CDH13: variants seen among roughly 807,000 people sequenced by gnomAD.
CDH13 encodes the protein cadherin 13, also known as cadherin-13.
A neutral mutation model predicts 63.8 loss-of-function variants in CDH13; 24 were observed. That is an observed-to-expected ratio of 0.38 (90% CI 0.27 to 0.53). CDH13 has a LOEUF of 0.53. Among genes scored for constraint, CDH13 ranks in the 20% least tolerant of loss-of-function variants. CDH13 has a pLI of 0.85. For missense variants in CDH13, 1,049 were observed against 903.1 expected, an observed-to-expected ratio of 1.16 and a Z score of -2.07; for synonymous variants, 503 against 355.3, an observed-to-expected ratio of 1.42 and a Z score of -4.67.
At chr16:83,683,234 T>C (rs889159043) in intron 10 of CDH13, among the ~76,000 whole-genome samples, 5 of 152,250 alleles carry the variant, frequency 3.3e-5, no homozygotes, top group African/African-American at 7.2e-5. Flanking sequence ...CAAATCAAAA[T>C]GAACAGCAGT....
intron 1 of CDH13, among the ~76,000 whole-genome samples, chr16:82,764,361 C>A (rs1325925698): frequency 2.0e-5 from 3 of 152,120 alleles, no homozygotes; most frequent in African/African-American, 7.2e-5. Context: ...TATTTAAGTT[C>A]TTCTCCTCTA....
At chr16:82,919,999 T>C (rs1012553651) in intron 2 of CDH13, among the ~76,000 whole-genome samples, 1 of 152,204 alleles carries the variant, frequency 6.6e-6, no homozygotes, top group Admixed American at 6.5e-5. Flanking sequence ...GAGATCAAAA[T>C]GTGTGTGGGT....
intron 3 of CDH13, among the ~76,000 whole-genome samples, chr16:83,042,077 G>T (rs1031423999): frequency 6.6e-6 from 1 of 152,134 alleles, no homozygotes; most frequent in Non-Finnish European, 1.5e-5. Flanking sequence ...TCCTCTGTTT[G>T]TTTTGGCCAT....
Position 82,637,428 on chromosome 16 carries a change from CTTTT to C in CDH13, c.45+10308_45+10311del, listed in dbSNP as rs573088098. On this transcript the variant is annotated intron_variant, in intron 1 of 13. Coordinates refer to ENST00000567109, the MANE Select transcript of CDH13 (RefSeq NM_001257.5). ...GCTGAGGTCTGTACAGTTACTGTGCCTTTTTTTTTTTTTTTTTTTTGAGACGGAG... is the reference window on the plus strand; with the variant it reads ...GCTGAGGTCTGTACAGTTACTGTGCCTTTTTTTTTTTTTTTTGAGACGGAG... Among the ~76,000 whole-genome samples, 3 of 81,654 alleles carry C rather than the reference CTTTT, an allele frequency of 3.7e-5. 1 individual carries two copies. Among genetic ancestry groups the C allele is most frequent in the African/African-American group, 5.2e-5 (1 of 19,250 alleles). The allele number at this position is 81,654 out of a possible 152,430, so 53.6% of individuals were successfully genotyped here. A position where few individuals can be genotyped will look rare whatever the true frequency, so the allele number is the denominator to read the frequency against.
At chr16:83,239,001 GC>G (rs1477496715) in intron 5 of CDH13, among the ~76,000 whole-genome samples, 6 of 152,158 alleles carry the variant, frequency 3.9e-5, no homozygotes, top group Non-Finnish European at 5.9e-5. Context: ...ATTGCAAAGT[GC>G]CTTGCATGTG....
intron 7 of CDH13, among the ~76,000 whole-genome samples, chr16:83,597,431 G>T (rs75910202): frequency 0.016 from 2,417 of 152,250 alleles, 73 homozygotes; most frequent in African/African-American, 0.054. Flanking sequence ...AAATGTGTGT[G>T]TATATAAATG....
At chr16:83,213,107 G>C (rs958592348) in intron 4 of CDH13, among the ~76,000 whole-genome samples, 4 of 152,200 alleles carry the variant, frequency 2.6e-5, no homozygotes, top group African/African-American at 9.7e-5. Flanking sequence ...AAGAGAGACA[G>C]ACGTGTGCAG....
chr16:83,170,703 T>A (rs1009873619), intron 4 of CDH13, among the ~76,000 whole-genome samples: 1 of 152,112 alleles, frequency 6.6e-6, no homozygotes, highest in African/African-American at 2.4e-5. Flanking sequence ...ATAATATATC[T>A]AAATGTTAAA....
At chr16:83,393,202 G>C (rs1406306678) in intron 6 of CDH13, among the ~76,000 whole-genome samples, 1 of 152,208 alleles carries the variant, frequency 6.6e-6, no homozygotes, top group Non-Finnish European at 1.5e-5. Flanking sequence ...ATGCCAAGGG[G>C]TGCCCATGGA....
At chr16:82,884,275 G>A (rs2040808189) in intron 2 of CDH13, 1 of 450,616 alleles carries the variant, frequency 2.2e-6, no homozygotes, top group Non-Finnish European at 4.4e-6. Flanking sequence ...GTATAAGATG[G>A]GTTTGTCAGT....
chr16:82,651,614 G>T (rs140607219), intron 1 of CDH13, among the ~76,000 whole-genome samples: 1 of 152,330 alleles, frequency 6.6e-6, no homozygotes, highest in Admixed American at 6.5e-5. Context: ...CTATTAGGGA[G>T]GTGGTGTTTT....
chr16:82,769,533 A>G (rs2035182732), intron 1 of CDH13, among the ~76,000 whole-genome samples: 1 of 152,236 alleles, frequency 6.6e-6, no homozygotes, highest in South Asian at 2.1e-4. Context: ...GGAGAATGGT[A>G]ACATTGAAGA....
chr16:83,677,896 C>T (rs1915094358), intron 9 of CDH13, among the ~76,000 whole-genome samples: 4 of 152,096 alleles, frequency 2.6e-5, no homozygotes, highest in Admixed American at 2.6e-4. Flanking sequence ...TCAAGTCACT[C>T]ACTGCCCAGA....
chr16:83,354,892 T>C (rs1294228182), intron 6 of CDH13, among the ~76,000 whole-genome samples: 1 of 152,224 alleles, frequency 6.6e-6, no homozygotes, highest in Non-Finnish European at 1.5e-5. Flanking sequence ...CCTTCATTCA[T>C]GTATTGACTA....
At chr16:83,581,435 C>G (rs1004976425) in intron 7 of CDH13, among the ~76,000 whole-genome samples, 1 of 152,188 alleles carries the variant, frequency 6.6e-6, no homozygotes, top group African/African-American at 2.4e-5. Flanking sequence ...CCTCCTTTTT[C>G]TGAAAGTTTC....
intron 2 of CDH13, chr16:82,884,088 G>A (rs1316085589): frequency 1.1e-5 from 5 of 438,536 alleles, no homozygotes; most frequent in South Asian, 6.5e-5. Context: ...CCATGTAGAT[G>A]TTCATTAGGT....
At chr16:83,769,916 C>T (rs1380344952) in intron 11 of CDH13, among the ~76,000 whole-genome samples, 1 of 152,114 alleles carries the variant, frequency 6.6e-6, no homozygotes, top group Non-Finnish European at 1.5e-5. Context: ...AGTAATTAAA[C>T]CACCTCAGAA....
chr16:82,846,889 C>G (rs1319221059), intron 1 of CDH13, among the ~76,000 whole-genome samples: 1 of 151,860 alleles, frequency 6.6e-6, no homozygotes, highest in Non-Finnish European at 1.5e-5. Context: ...AAAACAATAG[C>G]AAAAAATAAA....
At chr16:82,811,243 G>T (rs916661146) in intron 1 of CDH13, among the ~76,000 whole-genome samples, 1 of 152,024 alleles carries the variant, frequency 6.6e-6, no homozygotes, top group Non-Finnish European at 1.5e-5. Flanking sequence ...ATCAAGCCAC[G>T]GTGAGAGAAT....
Sources: gnomAD v4.1 joint callset for allele counts (sites outside exome capture counted in the v4.1 genomes callset) on GRCh38, gnomAD v4.1.1 for gene constraint, MANE v1.5 for transcripts, NCBI Gene and HGNC (gene_info 2026-07-23, HGNC 2026-07-21) for gene names.